Variants in ALG9 observed in about 807,000 individuals in gnomAD.
ALG9 encodes the protein ALG9 alpha-1,2-mannosyltransferase.
ALG9 carries 55 observed loss-of-function variants against 81.8 expected under a neutral mutation model. The observed-to-expected ratio is 0.67, with a 90% CI of 0.54 to 0.84. The LOEUF is 0.84. ALG9 is among the 40% of genes least tolerant of loss of function. The probability of loss-of-function intolerance (pLI) is 0.00; values close to 1 mark genes in which losing one functional copy is unlikely to be tolerated. For missense variants in ALG9, 629 were observed against 745.0 expected (o/e 0.84, Z 1.81); for synonymous variants, 278 against 274.3 (o/e 1.01, Z -0.13).
chr11:111,836,090 C>T (rs1484974144), intron 13 of ALG9, 75 bp downstream of exon 13: 2 of 1,596,050 alleles, frequency 1.3e-6, no homozygotes, highest in African/African-American at 1.3e-5. Flanking sequence ...TTTATCAATG[C>T]TCTAATATAC....
At chr11:111,833,793 C>T (rs782292964) in intron 13 of ALG9, among the ~76,000 whole-genome samples, 19 of 152,338 alleles carry the variant, frequency 1.2e-4, no homozygotes, top group South Asian at 4.1e-4. Context: ...GAAAAATCAT[C>T]ACCTTTCGGG....
chr11:111,786,641 C>A, intron 14 of ALG9, 121 bp from the exon 15 acceptor site: 1 of 1,180,450 alleles, frequency 8.5e-7, no homozygotes, highest in Admixed American at 2.2e-5. Context: ...TCAAGTGGCA[C>A]AGAAAAGCCT....
intron 13 of ALG9, among the ~76,000 whole-genome samples, chr11:111,812,467 T>C (rs1950869222): frequency 6.6e-6 from 1 of 152,136 alleles, no homozygotes; most frequent in Non-Finnish European, 1.5e-5. Flanking sequence ...CTCAGGAGAT[T>C]GAGGCAGGAA....
intron 2 of ALG9, 128 bp downstream of exon 2, chr11:111,870,102 GTT>G (rs372396527): frequency 1.6e-5 from 15 of 949,684 alleles, no homozygotes; most frequent in East Asian, 1.1e-4. Flanking sequence ...CTGTTTTTTT[GTT>G]TTTTTTTTTA....
downstream of ALG9, among the ~76,000 whole-genome samples, chr11:111,779,371 G>A (rs1167420732): frequency 2.8e-4 from 42 of 152,000 alleles, no homozygotes; most frequent in Non-Finnish European, 4.4e-5. Context: ...CTTGTAAGGC[G>A]AGTATGCCTG....
chr11:111,845,990 C>A (rs538022903), intron 8 of ALG9, among the ~76,000 whole-genome samples: 6 of 152,306 alleles, frequency 3.9e-5, no homozygotes, highest in Middle Eastern at 3.4e-3. Context: ...AGAGAATATT[C>A]ATGAACAGAG....
At chr11:111,865,533 G>C (rs1962084167) in intron 3 of ALG9, among the ~76,000 whole-genome samples, 1 of 152,152 alleles carries the variant, frequency 6.6e-6, no homozygotes, top group African/African-American at 2.4e-5. Flanking sequence ...TCCAATTATA[G>C]GGAAATGATT....
At position 111,844,742 on chromosome 11, in the gene ALG9, TAAG is replaced by T; in HGVS notation, c.896-22_896-20del. On this transcript the variant is annotated intron_variant, in intron 8 of 14. Transcript: ENST00000616540. ...TCTGTACCTGAGGGAGACATAAAGG[TAAG>T]AAATCATTAGTGGATGCCTTTAACA... is the stretch of plus-strand genomic sequence containing the variant. 6.2e-7 allele frequency: 1 copy of T among 1,612,728 alleles called. No homozygotes were observed.
chr11:111,795,061 T>C (rs1362683486), intron 14 of ALG9, among the ~76,000 whole-genome samples: 1 of 151,968 alleles, frequency 6.6e-6, no homozygotes, highest in Non-Finnish European at 1.5e-5. Context: ...ACAACCCTGT[T>C]ATCCAAAAGA....
chr11:111,809,715 C>A lies in ALG9; in HGVS notation c.1661G>T (p.Arg554Leu), dbSNP rs371978851. 1 of 1,614,034 alleles carries A rather than the reference C, an allele frequency of 6.2e-7. No homozygotes were observed. ...TTTATTGGATGAATATTTTGGCTCC[C>A]GGGGTGTTTCTCTCATGGTGTCCAA... Reference protein sequence around the residue: ...VDLDTMRETPREPKYSSNKEE... With the variant: ...VDLDTMRETPLEPKYSSNKEE... Residue 554 changes from arginine to leucine, a missense_variant, in exon 14 of 15, where the codon CGG (arginine) becomes CTG (leucine). Physicochemically the swap from Arg to Leu is moderately radical, Grantham distance 102 (BLOSUM62 -2). Transcript: ENST00000616540.
intron 13 of ALG9, chr11:111,828,757 A>G (rs1953811448): frequency 6.6e-6 from 1 of 152,224 alleles, no homozygotes; most frequent in Admixed American, 6.5e-5. Flanking sequence ...AAGATTTCAC[A>G]GTGACAGCCC....
chr11:111,818,851 TGAA>T (rs2136542127), intron 13 of ALG9, among the ~76,000 whole-genome samples: 1 of 145,192 alleles, frequency 6.9e-6, no homozygotes, highest in African/African-American at 2.5e-5. Flanking sequence ...GGAGAGGAAG[TGAA>T]GGAGGGAAGA....
intron 14 of ALG9, among the ~76,000 whole-genome samples, chr11:111,799,963 T>C (rs528132927): frequency 1.2e-4 from 19 of 152,320 alleles, no homozygotes; most frequent in Admixed American, 4.6e-4. Flanking sequence ...TATTTAATCC[T>C]ACTTTTCTTC....
intron 13 of ALG9, chr11:111,828,852 G>T (rs1356236750): frequency 6.6e-6 from 1 of 151,928 alleles, no homozygotes; most frequent in Admixed American, 6.6e-5. Flanking sequence ...ACAGTCCTCC[G>T]ACCCAAAGAA....
chr11:111,838,470 C>A, intron 10 of ALG9, 71 bp from the exon 11 acceptor site: 1 of 1,385,808 alleles, frequency 7.2e-7, no homozygotes, highest in Non-Finnish European at 1.0e-6. Context: ...AAGAGCGAAG[C>A]CAAAAAAGAG....
At chr11:111,803,166 T>C (rs192574060) in intron 14 of ALG9, among the ~76,000 whole-genome samples, 3 of 152,270 alleles carry the variant, frequency 2.0e-5, no homozygotes, top group African/African-American at 4.8e-5. Context: ...AAAGTTTATA[T>C]GGAGAGGCAA....
chr11:111,805,747 C>T (rs1555084534), intron 14 of ALG9, among the ~76,000 whole-genome samples: 1 of 152,152 alleles, frequency 6.6e-6, no homozygotes, highest in East Asian at 1.9e-4. Flanking sequence ...ACATTATATG[C>T]CATAGAACTG....
rs1566332940 is a variant in ALG9, at chr11:111,871,491, T to C, written c.-9A>G. 2 of 1,536,294 alleles carry C rather than the reference T, an allele frequency of 1.3e-6. No individual in the cohort carries two copies. The highest frequency in any genetic ancestry group is 2.0e-5 in the Admixed American group (1 of 50,960). ...GCCCCTCGACTAGCCATGGCAAGCC[T>C]GGGGAAAAAAGAATTCGGCACCCTA... is the stretch of plus-strand genomic sequence containing the variant. On this transcript the variant is annotated 5_prime_UTR_variant, in exon 1 of 15. Coordinates refer to ENST00000616540, the MANE Select transcript of ALG9 (RefSeq NM_024740.2).
At chr11:111,800,740 G>A (rs552846416) in intron 14 of ALG9, among the ~76,000 whole-genome samples, 3 of 152,152 alleles carry the variant, frequency 2.0e-5, no homozygotes, top group South Asian at 4.1e-4. Flanking sequence ...CCATTGTATC[G>A]TAAGGTCCAA....
Sources: gnomAD v4.1 joint callset for allele counts (sites outside exome capture counted in the v4.1 genomes callset) on GRCh38, gnomAD v4.1.1 for gene constraint, MANE v1.5 for transcripts, NCBI Gene and HGNC (gene_info 2026-07-23, HGNC 2026-07-21) for gene names.